Variants in USP33 observed in about 807,000 individuals in gnomAD.
The protein encoded by USP33 is ubiquitin specific peptidase 33.
In USP33, 46 loss-of-function variants were observed where a neutral mutation model predicts 124.2. That is an observed-to-expected ratio of 0.37 (90% CI 0.29 to 0.47). The LOEUF (loss-of-function observed/expected upper bound fraction) is 0.47, where lower values mean the gene tolerates loss of function less well. Ranked by LOEUF, USP33 falls within the 20% of genes least tolerant of loss-of-function variation. The probability of loss-of-function intolerance (pLI) is 0.99; values close to 1 mark genes in which losing one functional copy is unlikely to be tolerated. For missense variants in USP33, 851 were observed against 1,070.6 expected (o/e 0.79, Z 2.86); for synonymous variants, 350 against 352.3 (o/e 0.99, Z 0.07).
chr1:77,707,266 C>T (rs1674736033), intron 21 of USP33, among the ~76,000 whole-genome samples: 1 of 152,170 alleles, frequency 6.6e-6, no homozygotes, highest in Non-Finnish European at 1.5e-5. Flanking sequence ...GAACCATTCA[C>T]CCTGCAGAGG....
At chr1:77,729,290 C>T (rs1570800771) in intron 9 of USP33, among the ~76,000 whole-genome samples, 3 of 148,880 alleles carry the variant, frequency 2.0e-5, no homozygotes, top group South Asian at 2.1e-4. Context: ...CCTAACACTT[C>T]GGGAGATCAA....
intron 1 of USP33, among the ~76,000 whole-genome samples, chr1:77,744,080 C>T (rs578116419): frequency 8.0e-5 from 12 of 150,112 alleles, no homozygotes; most frequent in African/African-American, 2.2e-4. Context: ...GCTGAGATCG[C>T]GCCACTGCAA....
chr1:77,722,689 A>G (rs1051959287), intron 12 of USP33, among the ~76,000 whole-genome samples: 3 of 152,242 alleles, frequency 2.0e-5, no homozygotes, highest in Non-Finnish European at 4.4e-5. Context: ...GACCCGATTG[A>G]AAGTTCTTAG....
rs777625929 is a variant in USP33, at chr1:77,717,947, G to A, written c.1838C>T (p.Pro613Leu). 3 of 1,613,790 alleles carry A rather than the reference G, an allele frequency of 1.9e-6. No individual in the cohort carries two copies. Residue 613 changes from proline (P) to leucine (L), a missense_variant, in exon 17 of 24, where the codon CCA becomes CTA. This residue lies in a region of USP33 where 281 missense variants were observed against 425.0 expected (regional missense o/e 0.66). Transcript: ENST00000370794. ...SFPLEGLDLQ[P>L]FLAKDSPAQI... ...AGCTGGACTATCCTTAGCAAGAAAT[G>A]GCTGAAGATCCAAGCCTTCTAGCGG... is the stretch of plus-strand genomic sequence containing the variant.
intron 21 of USP33, among the ~76,000 whole-genome samples, chr1:77,703,381 A>G (rs780699006): frequency 6.6e-6 from 1 of 152,022 alleles, no homozygotes; most frequent in Non-Finnish European, 1.5e-5. Flanking sequence ...TAATCCCAGC[A>G]CTTTGGAAGG....
chr1:77,751,543 G>C (rs1317713700), intron 1 of USP33, among the ~76,000 whole-genome samples: 1 of 152,074 alleles, frequency 6.6e-6, no homozygotes, highest in African/African-American at 2.4e-5. Flanking sequence ...TGCAGTCCCA[G>C]CTATTCAGGA....
intron 5 of USP33, among the ~76,000 whole-genome samples, chr1:77,736,766 C>T (rs578241618): frequency 2.6e-5 from 4 of 152,130 alleles, no homozygotes; most frequent in East Asian, 1.9e-4. Context: ...CATGCCACAA[C>T]GCCCAGCTAA....
At chr1:77,742,270 A>C (rs1570842542) in intron 1 of USP33, among the ~76,000 whole-genome samples, 1 of 152,198 alleles carries the variant, frequency 6.6e-6, no homozygotes, top group Non-Finnish European at 1.5e-5. Context: ...ACTTTATATC[A>C]GGGTTTCTCG....
intron 15 of USP33, chr1:77,720,193 AACCTTTATTCTTACATGTGG>A: frequency 3.0e-5 from 12 of 403,210 alleles, no homozygotes; most frequent in Non-Finnish European, 3.6e-5. Context: ...AAAAAAAAAA[AACCTTTATTCTTACATGTGG>A]AAAAAAAGAT....
chr1:77,704,883 C>G (rs1408587682), intron 21 of USP33, among the ~76,000 whole-genome samples: 1 of 152,152 alleles, frequency 6.6e-6, no homozygotes, highest in Non-Finnish European at 1.5e-5. Flanking sequence ...AGGCAGATAC[C>G]TTTATACTTG....
chr1:77,705,199 T>A (rs553599885), intron 21 of USP33, among the ~76,000 whole-genome samples: 73 of 152,006 alleles, frequency 4.8e-4, no homozygotes, highest in African/African-American at 1.7e-3. Flanking sequence ...TTTTTATTTT[T>A]TATTTTTTTT....
In USP33 at chr1:77,717,905, T is replaced by C; in HGVS notation, c.1880A>G (p.Asp627Gly). ...ATGATGGCAAATGACTGACAGAAGA[T>C]CATATGTCACAATTTGAGCTGGACT... is the stretch of plus-strand genomic sequence containing the variant. ...KDSPAQIVTY[D>G]LLSVICHHGT... The change falls in exon 17 of 24, where the codon GAT (aspartate) becomes GGT (glycine). Residue 627 changes from aspartate (D) to glycine (G), a missense_variant. Physicochemically the swap from Asp to Gly is moderately conservative, Grantham distance 94. This residue lies in a region of USP33 where 281 missense variants were observed against 425.0 expected (regional missense o/e 0.66). Transcript: ENST00000370794. 2 of 1,613,084 alleles carry C rather than the reference T, an allele frequency of 1.2e-6. No homozygotes were observed. The highest frequency in any genetic ancestry group is 1.1e-5 in the South Asian group (1 of 90,728).
At chr1:77,721,785 T>C in intron 14 of USP33, 46 bp downstream of exon 14, 1 of 1,536,968 alleles carries the variant, frequency 6.5e-7, no homozygotes, top group Non-Finnish European at 8.8e-7. Flanking sequence ...CACTAGTATT[T>C]TAGATTTACC....
chr1:77,714,217 C>T (rs550102112), intron 19 of USP33, among the ~76,000 whole-genome samples: 2 of 151,876 alleles, frequency 1.3e-5, no homozygotes, highest in Non-Finnish European at 2.9e-5. Context: ...CCAATATAGT[C>T]GATAGATAAA....
chr1:77,715,848 A>C lies in USP33; in HGVS notation c.1939T>G (p.Cys647Gly). 1.2e-6 allele frequency: 2 copies of C among 1,613,728 alleles called. No individual in the cohort carries two copies. The highest frequency in any genetic ancestry group is 1.7e-6 in the Non-Finnish European group (2 of 1,179,898). ...CAGAGATTATTTAGATTGTTTCGGC[A>C]GTAGGCTATATAGTGTCCACCTGAA... ...TASSGHYIAY[C>G]RNNLNNLWYE... Residue 647 changes from cysteine to glycine, a missense_variant, in exon 18 of 24, where the codon TGC becomes GGC. By Grantham distance (159) the Cys-to-Gly change is radical. This residue lies in a region of USP33 where 281 missense variants were observed against 425.0 expected (regional missense o/e 0.66). Transcript: ENST00000370794.
At position 77,717,770 on chromosome 1, in the gene USP33, T is replaced by C. The variant is rs1676092633; in HGVS notation, c.1918+97A>G. 7 of 1,134,902 alleles carry C rather than the reference T, an allele frequency of 6.2e-6. No homozygotes were observed. In the African/African-American group the frequency reaches 9.6e-5, roughly 16 times the overall value. The allele number at this position is 1,134,902 out of a possible 1,614,324, so 70.3% of individuals were successfully genotyped here. A position where few individuals can be genotyped will look rare whatever the true frequency, so the allele number is the denominator to read the frequency against. ...ATTAAGTGATTCTCCCACCTCATTC[T>C]CCCAAAAGGCTGGTATTACAGGTAT... On this transcript the variant is annotated intron_variant, in intron 17 of 23. Coordinates refer to ENST00000370794, the MANE Select transcript of USP33 (RefSeq NM_201624.3).
At chr1:77,711,528 TACAC>T (rs66475824) in intron 21 of USP33, 62,912 of 331,210 alleles carry the variant, frequency 0.19, 626 homozygotes, top group Middle Eastern at 0.24. Flanking sequence ...TTTTGTCTCA[TACAC>T]ACACACACAC....
In USP33 at chr1:77,741,367, T is replaced by C; in HGVS notation, c.135+9A>G. 1.3e-6 allele frequency: 2 copies of C among 1,595,124 alleles called. No individual in the cohort carries two copies. The highest frequency in any genetic ancestry group is 1.7e-6 in the Non-Finnish European group (2 of 1,174,934). On this transcript the variant is annotated intron_variant, in intron 3 of 23. Coordinates refer to ENST00000370794, the MANE Select transcript of USP33 (RefSeq NM_201624.3). ...ATAGCAATCTTTTCAGGAAAAAACATATACACACCTCCAGACATGCCCAAA... is the reference window on the plus strand; with the variant it reads ...ATAGCAATCTTTTCAGGAAAAAACACATACACACCTCCAGACATGCCCAAA...
In USP33 at chr1:77,739,280, T is replaced by C. The variant is rs2101541611; in HGVS notation, c.336A>G (p.Gln112=). Residue 112 remains glutamine (Q), a synonymous_variant, in exon 5 of 24, where the codon CAA becomes CAG. Coordinates refer to ENST00000370794, the MANE Select transcript of USP33 (RefSeq NM_201624.3). The part of the protein sequence containing the change: ...LPHVRQPHQI[Q]ENSVQDFKIP... ...AGATTATTACCTGGACACTGTTTTC[T>C]TGTATTTGGTGAGGTTGTCTTACAT... The C allele has an allele frequency of 1.9e-6, 3 of 1,612,680 alleles. No homozygotes were observed. Among genetic ancestry groups the C allele is most frequent in the Non-Finnish European group, 2.5e-6 (3 of 1,179,564 alleles).
Sources: gnomAD v4.1 joint callset for allele counts (sites outside exome capture counted in the v4.1 genomes callset) on GRCh38, gnomAD v4.1.1 for gene constraint, gnomAD v4.1.1 regional missense constraint, MANE v1.5 for transcripts, NCBI Gene and HGNC (gene_info 2026-07-23, HGNC 2026-07-21) for gene names.